Variants in IMMP2L observed in about 807,000 individuals in gnomAD.
IMMP2L encodes the protein inner mitochondrial membrane peptidase subunit 2.
In IMMP2L, 18 loss-of-function variants were observed where a neutral mutation model predicts 19.3. The observed-to-expected ratio is 0.93, with a 90% CI of 0.64 to 1.38. The LOEUF is 1.38. IMMP2L is among the 40% of genes most tolerant of loss of function. IMMP2L has a pLI of 0.00. For missense variants in IMMP2L, 233 were observed against 218.2 expected, an observed-to-expected ratio of 1.07 and a Z score of -0.43; for synonymous variants, 76 against 73.0, an observed-to-expected ratio of 1.04 and a Z score of -0.21.
intron 3 of IMMP2L, among the ~76,000 whole-genome samples, chr7:111,126,883 C>T (rs1801369442): frequency 6.6e-6 from 1 of 152,144 alleles, no homozygotes; most frequent in Admixed American, 6.5e-5. Flanking sequence ...CTTACAATAG[C>T]TTTCTGCATA....
chr7:111,212,767 A>T (rs1811467316), intron 3 of IMMP2L, among the ~76,000 whole-genome samples: 1 of 152,248 alleles, frequency 6.6e-6, no homozygotes, highest in African/African-American at 2.4e-5. Context: ...TTGAAAAAGA[A>T]GAGCAATTCT....
intron 5 of IMMP2L, among the ~76,000 whole-genome samples, chr7:110,836,952 G>T (rs1804543808): frequency 6.6e-6 from 1 of 152,064 alleles, no homozygotes; most frequent in African/African-American, 2.4e-5. Flanking sequence ...AAGTAATATG[G>T]CAAGGTCCAT....
At chr7:111,431,906 C>A (rs192244731) in intron 3 of IMMP2L, among the ~76,000 whole-genome samples, 8 of 151,504 alleles carry the variant, frequency 5.3e-5, no homozygotes, top group Admixed American at 4.6e-4. Context: ...GATATTTATA[C>A]TTTTTCCAAA....
At chr7:111,538,422 T>C (rs1248670164) in intron 1 of IMMP2L, among the ~76,000 whole-genome samples, 1 of 152,026 alleles carries the variant, frequency 6.6e-6, no homozygotes, top group Non-Finnish European at 1.5e-5. Context: ...ACCTGATAGT[T>C]TTACTTCACA....
chr7:111,531,702 T>C (rs1847410653), intron 1 of IMMP2L, among the ~76,000 whole-genome samples: 1 of 152,176 alleles, frequency 6.6e-6, no homozygotes, highest in African/African-American at 2.4e-5. Flanking sequence ...ACTGCTATCA[T>C]TAAGTAGAAG....
chr7:110,889,587 C>T (rs1048110663), intron 4 of IMMP2L, among the ~76,000 whole-genome samples: 2 of 152,128 alleles, frequency 1.3e-5, no homozygotes, highest in East Asian at 1.9e-4. Context: ...CCTGCTGTGC[C>T]GCCCAGTTCC....
intron 3 of IMMP2L, among the ~76,000 whole-genome samples, chr7:111,134,997 C>G (rs1039480327): frequency 6.6e-6 from 1 of 152,056 alleles, no homozygotes; most frequent in Admixed American, 6.6e-5. Context: ...GAGTAATTTT[C>G]ATTTTATTGA....
intron 3 of IMMP2L, among the ~76,000 whole-genome samples, chr7:111,059,451 G>A (rs1423133700): frequency 1.3e-5 from 2 of 152,114 alleles, no homozygotes; most frequent in East Asian, 3.8e-4. Flanking sequence ...GGAAAAGTAA[G>A]CATTTTCCCC....
intron 3 of IMMP2L, among the ~76,000 whole-genome samples, chr7:111,139,798 A>C (rs1452203839): frequency 6.6e-6 from 1 of 152,206 alleles, no homozygotes; most frequent in African/African-American, 2.4e-5. Flanking sequence ...AATACCTATT[A>C]AAATGTATTT....
intron 3 of IMMP2L, among the ~76,000 whole-genome samples, chr7:111,127,453 A>C (rs914425235): frequency 6.6e-6 from 1 of 152,220 alleles, no homozygotes; most frequent in Admixed American, 6.5e-5. Flanking sequence ...TTCTGAATAG[A>C]CATCTAGTAG....
intron 3 of IMMP2L, among the ~76,000 whole-genome samples, chr7:111,158,992 G>A (rs549559699): frequency 1.3e-5 from 2 of 152,188 alleles, no homozygotes; most frequent in African/African-American, 4.8e-5. Flanking sequence ...TCCACCAAAT[G>A]TCATAATGTA....
intron 5 of IMMP2L, among the ~76,000 whole-genome samples, chr7:110,840,114 G>A (rs118120148): frequency 1.3e-5 from 2 of 152,202 alleles, no homozygotes; most frequent in East Asian, 1.9e-4. Context: ...TTCCTTGAAC[G>A]GTCACAGCTG....
intron 3 of IMMP2L, among the ~76,000 whole-genome samples, chr7:111,317,531 C>T (rs1824238212): frequency 6.6e-6 from 1 of 151,994 alleles, no homozygotes; most frequent in Non-Finnish European, 1.5e-5. Flanking sequence ...AATACTGAAT[C>T]AGAGACAGAA....
rs968947727 is a variant in IMMP2L, at chr7:110,729,829, G to T, written c.409-66108C>A. ...TGGGTGCTGGGCTTAATACCTGGGT[G>T]ATGGGTTGATCTGTGCAACAAACCA... On this transcript the variant is annotated intron_variant, in intron 5 of 5. Transcript: ENST00000405709. Among the ~76,000 whole-genome samples the T allele has an allele frequency of 4.6e-4, 70 of 152,242 alleles. 2 individuals carry two copies. Among genetic ancestry groups the T allele is most frequent in the Admixed American group, 4.5e-3 (69 of 15,296 alleles).
At chr7:110,894,100 A>T (rs1811084069) in intron 4 of IMMP2L, among the ~76,000 whole-genome samples, 1 of 152,058 alleles carries the variant, frequency 6.6e-6, no homozygotes, top group African/African-American at 2.4e-5. Flanking sequence ...CAGGTAAGAC[A>T]TCCGAAGACC....
At chr7:111,238,332 A>G (rs569519539) in intron 3 of IMMP2L, among the ~76,000 whole-genome samples, 59 of 152,158 alleles carry the variant, frequency 3.9e-4, no homozygotes, top group African/African-American at 1.4e-3. Context: ...CGGCTCCACC[A>G]GTTTATTTAT....
intron 3 of IMMP2L, among the ~76,000 whole-genome samples, chr7:111,316,571 G>A (rs1824104046): frequency 6.6e-6 from 1 of 151,942 alleles, no homozygotes; most frequent in Non-Finnish European, 1.5e-5. Flanking sequence ...CTCAAGCTAC[G>A]AGGGCCATAA....
chr7:111,242,858 C>T (rs1250137099), intron 3 of IMMP2L, among the ~76,000 whole-genome samples: 1 of 152,026 alleles, frequency 6.6e-6, no homozygotes, highest in Non-Finnish European at 1.5e-5. Flanking sequence ...ATTTTGGACT[C>T]CGACATACTA....
intron 4 of IMMP2L, among the ~76,000 whole-genome samples, chr7:110,923,911 C>T (rs1814564434): frequency 6.6e-6 from 1 of 152,104 alleles, no homozygotes; most frequent in Admixed American, 6.6e-5. Flanking sequence ...ACATTATAGC[C>T]TGATTGCTAG....
Sources: allele counts gnomAD v4.1 joint callset (sites outside exome capture counted in the v4.1 genomes callset), GRCh38; gene constraint gnomAD v4.1.1; transcripts MANE v1.5; gene names NCBI Gene and HGNC (gene_info 2026-07-23, HGNC 2026-07-21).